The following IL1RAPL1 variants were observed in gnomAD, a reference collection of about 807,000 sequenced individuals.
IL1RAPL1 encodes interleukin-1 receptor accessory protein-like 1.
In IL1RAPL1, 3 loss-of-function variants were observed where a neutral mutation model predicts 48.4. The ratio of observed to expected loss-of-function variants is 0.06; its 90% CI spans 0.03 to 0.16. The LOEUF is 0.16. Among genes scored for constraint, IL1RAPL1 ranks in the 10% least tolerant of loss-of-function variants. The pLI, the probability that IL1RAPL1 is intolerant of heterozygous loss-of-function variation, is 1.00. For synonymous variants in IL1RAPL1, 185 were observed against 187.7 expected (o/e 0.99, Z 0.12); for missense variants, 349 against 530.6 (o/e 0.66, Z 3.36).
rs1934691238 is a variant in IL1RAPL1 at position 28,652,241 on chromosome X, T to C, written c.-25+64194T>C. 2.7e-5 allele frequency among the ~76,000 whole-genome samples: 3 copies of C among 111,218 alleles called. No homozygotes were observed. The South Asian group carries it at 1.1e-3, about 43-fold the overall frequency. ...GAGACTACTCTGTTGTTGCATGCTC[T>C]ATTCTCCCCTCCACACTGTAAAATC... On this transcript the variant is annotated intron_variant, in intron 1 of 10. Coordinates refer to ENST00000378993, the MANE Select transcript of IL1RAPL1 (RefSeq NM_014271.4).
At chrX:29,105,557 C>T (rs899493338) in intron 2 of IL1RAPL1, among the ~76,000 whole-genome samples, 3 of 112,067 alleles carry the variant, frequency 2.7e-5, no homozygotes, top group African/African-American at 9.7e-5. Flanking sequence ...AATCTTTCTC[C>T]TTTGCAATGT....
chrX:29,248,317 T>C (rs1011081890), intron 2 of IL1RAPL1, among the ~76,000 whole-genome samples: 3 of 111,281 alleles, frequency 2.7e-5, no homozygotes, highest in Non-Finnish European at 5.7e-5. Flanking sequence ...CTTGGGAGGC[T>C]GAGGCACGAG....
At chrX:29,954,891 A>G (rs1306409141) in intron 10 of IL1RAPL1, among the ~76,000 whole-genome samples, 199 bp downstream of exon 10, 1 of 112,433 alleles carries the variant, frequency 8.9e-6, no homozygotes, top group Non-Finnish European at 1.9e-5. Flanking sequence ...ATTACTGTAT[A>G]AAGCATCTCA....
intron 2 of IL1RAPL1, among the ~76,000 whole-genome samples, chrX:29,059,940 C>T (rs1260608070): frequency 9.0e-6 from 1 of 111,626 alleles, no homozygotes; most frequent in Non-Finnish European, 1.9e-5. Flanking sequence ...CTGTTCTTAG[C>T]AACTTTCCTT....
intron 6 of IL1RAPL1, among the ~76,000 whole-genome samples, chrX:29,673,334 A>G (rs747577474): frequency 2.9e-4 from 32 of 111,886 alleles, no homozygotes; most frequent in African/African-American, 9.7e-4. Flanking sequence ...TCTAAACATT[A>G]TTGTTTTGCT....
chrX:29,500,461 A>G (rs1337995890), intron 5 of IL1RAPL1, among the ~76,000 whole-genome samples: 3 of 111,389 alleles, frequency 2.7e-5, no homozygotes, highest in Non-Finnish European at 5.7e-5. Flanking sequence ...GTAACTGCCA[A>G]TCTACTCTGT....
rs1283821106 is a variant in IL1RAPL1 at position 29,835,876 on chromosome X, TC to T, written c.779-81587del. Among the ~76,000 whole-genome samples the T allele has an allele frequency of 5.0e-4, 50 of 100,100 alleles. 1 individual carries two copies. Among genetic ancestry groups the T allele is most frequent in the African/African-American group, 1.8e-3 (42 of 23,606 alleles). The allele number at this position is 100,100 out of a possible 115,157, so 86.9% of individuals were successfully genotyped here. A position where few individuals can be genotyped will look rare whatever the true frequency, so the allele number is the denominator to read the frequency against. ...TTTATCTTTGATTTTATTTGAGTCT[TC>T]TTTTTTTTTTTTTTTTTTTTTAGTT... is the stretch of plus-strand genomic sequence containing the variant. On this transcript the variant is annotated intron_variant, in intron 6 of 10. Coordinates refer to ENST00000378993, the MANE Select transcript of IL1RAPL1 (RefSeq NM_014271.4).
intron 5 of IL1RAPL1, among the ~76,000 whole-genome samples, chrX:29,519,034 C>T (rs1259804104): frequency 9.0e-6 from 1 of 111,207 alleles, no homozygotes; most frequent in East Asian, 2.8e-4. Flanking sequence ...CAGATGTAGG[C>T]TGTGAAAGAA....
At chrX:29,863,784 C>CT (rs1225575729) in intron 6 of IL1RAPL1, among the ~76,000 whole-genome samples, 69 of 104,979 alleles carry the variant, frequency 6.6e-4, no homozygotes, top group Admixed American at 8.1e-4. Flanking sequence ...ACACATACAA[C>CT]TTTTTTTTTT....
intron 2 of IL1RAPL1, among the ~76,000 whole-genome samples, chrX:28,819,179 A>G (rs999569803): frequency 4.5e-5 from 5 of 110,983 alleles, no homozygotes; most frequent in African/African-American, 6.5e-5. Context: ...AAAAATAATG[A>G]ATTATTCCCT....
At chrX:29,626,901 C>G (rs1365289313) in intron 5 of IL1RAPL1, among the ~76,000 whole-genome samples, 1 of 111,827 alleles carries the variant, frequency 8.9e-6, no homozygotes, top group Non-Finnish European at 1.9e-5. Flanking sequence ...TCTACACAGC[C>G]TTTATAATAT....
chrX:29,790,196 A>G (rs147075766), intron 6 of IL1RAPL1, among the ~76,000 whole-genome samples: 2,656 of 111,765 alleles, frequency 0.024, 76 homozygotes, highest in African/African-American at 0.082. Flanking sequence ...TTCTTTGGAA[A>G]CATCACCACT....
At chrX:29,518,944 G>A (rs1052713673) in intron 5 of IL1RAPL1, among the ~76,000 whole-genome samples, 1 of 112,157 alleles carries the variant, frequency 8.9e-6, no homozygotes, top group Non-Finnish European at 1.9e-5. Flanking sequence ...AGGTGAGATG[G>A]TGAGAAGTGC....
chrX:29,377,056 T>C (rs1175677898), intron 3 of IL1RAPL1, among the ~76,000 whole-genome samples: 1 of 112,351 alleles, frequency 8.9e-6, no homozygotes, highest in East Asian at 2.8e-4. Context: ...GGTGCATATA[T>C]ATTAAGGATA....
At position 29,323,086 on chromosome X, in the gene IL1RAPL1, A is replaced by T. The variant is rs185318997; in HGVS notation, c.362+39869A>T. Among the ~76,000 whole-genome samples, 267 of 112,263 alleles carry T rather than the reference A, an allele frequency of 2.4e-3. 4 individuals carry two copies. Among genetic ancestry groups the T allele is most frequent in the Non-Finnish European group, 2.4e-3 (129 of 53,270 alleles). ...CCTGGCTTTCTCAGAGGAGAGTCTC[A>T]TCGTCCACTTAAGAGATACCTATTT... On this transcript the variant is annotated intron_variant, in intron 3 of 10. Coordinates refer to ENST00000378993, the MANE Select transcript of IL1RAPL1 (RefSeq NM_014271.4).
At chrX:29,100,298 A>G (rs1928307875) in intron 2 of IL1RAPL1, among the ~76,000 whole-genome samples, 1 of 112,495 alleles carries the variant, frequency 8.9e-6, no homozygotes, top group South Asian at 3.7e-4. Context: ...GACAGCCCTC[A>G]GAACCAACAG....
At chrX:29,351,390 T>C (rs1328369744) in intron 3 of IL1RAPL1, among the ~76,000 whole-genome samples, 3 of 111,821 alleles carry the variant, frequency 2.7e-5, no homozygotes, top group Non-Finnish European at 5.6e-5. Context: ...TTAAGTGTTA[T>C]ATGAGGCTAT....
At chrX:29,303,399 T>C (rs943028741) in intron 3 of IL1RAPL1, among the ~76,000 whole-genome samples, 1 of 112,060 alleles carries the variant, frequency 8.9e-6, no homozygotes. Flanking sequence ...AAAATGTGTG[T>C]GTTTAACAAC....
chrX:28,779,630 G>GTATATATGTATA (rs55850528), intron 1 of IL1RAPL1, among the ~76,000 whole-genome samples: 11 of 61,128 alleles, frequency 1.8e-4, no homozygotes, highest in African/African-American at 6.6e-4. Flanking sequence ...GTGTGTGTGT[G>GTATATATGTATA]TGTGTATATA....
Sources: allele counts gnomAD v4.1 joint callset (sites outside exome capture counted in the v4.1 genomes callset), GRCh38; gene constraint gnomAD v4.1.1; transcripts MANE v1.5; gene names NCBI Gene and HGNC (gene_info 2026-07-23, HGNC 2026-07-21).